SPMIP11: variants seen among roughly 807,000 people sequenced by gnomAD.
SPMIP11 encodes sperm microtubule inner protein 11.
At chr12:48,736,468 A>G in the SPMIP11 span, among the ~76,000 whole-genome samples, 2 of 150,782 alleles carry the variant, frequency 1.3e-5, no homozygotes, top group Admixed American at 1.3e-4. Flanking sequence ...TGTTGGTTCT[A>G]TATGTACTGA....
chr12:48,761,719 C>CTTT, the SPMIP11 span, among the ~76,000 whole-genome samples: 87 of 95,212 alleles, frequency 9.1e-4, 3 homozygotes, highest in African/African-American at 1.4e-3. Context: ...ATATAACATT[C>CTTT]TTTTTTTTTT....
the SPMIP11 span, among the ~76,000 whole-genome samples, chr12:48,742,884 TA>T: frequency 6.6e-6 from 1 of 151,794 alleles, no homozygotes; most frequent in Non-Finnish European, 1.5e-5. Context: ...AAACTCCATT[TA>T]AAAAAATAAA....
the SPMIP11 span, among the ~76,000 whole-genome samples, chr12:48,754,041 A>G: frequency 4.9e-4 from 75 of 152,158 alleles, no homozygotes; most frequent in African/African-American, 1.7e-3. Context: ...TCAACCAAGA[A>G]TGAATTGGCC....
the SPMIP11 span, among the ~76,000 whole-genome samples, chr12:48,738,352 T>C: frequency 1.3e-5 from 2 of 152,082 alleles, no homozygotes; most frequent in African/African-American, 4.8e-5. Context: ...AGACAGGATG[T>C]CAGCAGGGGC....
At chr12:48,750,895 C>T in the SPMIP11 span, among the ~76,000 whole-genome samples, 3 of 152,178 alleles carry the variant, frequency 2.0e-5, no homozygotes, top group Non-Finnish European at 4.4e-5. Flanking sequence ...ACCTTTCTGT[C>T]CATCTGGTTT....
the SPMIP11 span, among the ~76,000 whole-genome samples, chr12:48,757,167 GA>G: frequency 4.6e-5 from 7 of 152,020 alleles, no homozygotes; most frequent in East Asian, 7.7e-4. Flanking sequence ...AGAATGGATG[GA>G]ACAGCCAAGA....
the SPMIP11 span, among the ~76,000 whole-genome samples, chr12:48,729,361 C>A: frequency 1.3e-5 from 2 of 152,078 alleles, 1 homozygote; most frequent in Admixed American, 1.3e-4. Flanking sequence ...TAGTGAAACC[C>A]CGTCTCTACT....
At chr12:48,728,473 C>A in the SPMIP11 span, among the ~76,000 whole-genome samples, 1 of 152,078 alleles carries the variant, frequency 6.6e-6, no homozygotes, top group East Asian at 1.9e-4. Context: ...CTTTGGGAGG[C>A]CGAGGCGGGC....
chr12:48,747,286 A>G, the SPMIP11 span, among the ~76,000 whole-genome samples: 1 of 152,060 alleles, frequency 6.6e-6, no homozygotes, highest in Non-Finnish European at 1.5e-5. Flanking sequence ...ACCATGCCCA[A>G]CAAGAGGCCC....
the SPMIP11 span, among the ~76,000 whole-genome samples, chr12:48,733,874 G>A: frequency 6.9e-6 from 1 of 144,842 alleles, no homozygotes; most frequent in African/African-American, 2.5e-5. Flanking sequence ...AGGTTCAAGC[G>A]ATTCTCCTGC....
chr12:48,759,452 G>A, the SPMIP11 span: 1 of 601,268 alleles, frequency 1.7e-6, no homozygotes, highest in South Asian at 1.8e-5. Context: ...ACTTTGGGAG[G>A]CCGAGGCAGG....
At chr12:48,765,558 C>T in the SPMIP11 span, 1 of 702,408 alleles carries the variant, frequency 1.4e-6, no homozygotes, top group Non-Finnish European at 2.6e-6. Flanking sequence ...GGATCTCCTG[C>T]TCTCCAGCCT....
the SPMIP11 span, chr12:48,759,430 T>C: frequency 1.5e-6 from 1 of 653,964 alleles, no homozygotes; most frequent in Non-Finnish European, 2.8e-6. Flanking sequence ...GGCTCATGTC[T>C]GTAATCCTAG....
At chr12:48,756,393 T>C in the SPMIP11 span, among the ~76,000 whole-genome samples, 1 of 152,160 alleles carries the variant, frequency 6.6e-6, no homozygotes, top group Non-Finnish European at 1.5e-5. Context: ...AGTCCTCAAC[T>C]GTACAGGGAG....
chr12:48,762,503 G>A, the SPMIP11 span, among the ~76,000 whole-genome samples: 1 of 151,040 alleles, frequency 6.6e-6, no homozygotes, highest in East Asian at 1.9e-4. Context: ...AAGTAGCTGG[G>A]ATTACAGGCA....
chr12:48,768,817 C>A, the SPMIP11 span: 1 of 1,554,178 alleles, frequency 6.4e-7, no homozygotes, highest in South Asian at 1.2e-5. Context: ...TTCCCCCAGT[C>A]CCTGCCCCAC....
At chr12:48,735,863 G>A in the SPMIP11 span, among the ~76,000 whole-genome samples, 1 of 152,154 alleles carries the variant, frequency 6.6e-6, no homozygotes, top group East Asian at 1.9e-4. Flanking sequence ...CAGCCTGGTT[G>A]TCAAAGGGAG....
At chr12:48,765,403 G>A in the SPMIP11 span, among the ~76,000 whole-genome samples, 1 of 152,100 alleles carries the variant, frequency 6.6e-6, no homozygotes, top group African/African-American at 2.4e-5. Context: ...GCTAATTTTT[G>A]TATTTTTAGT....
chr12:48,751,005 T>A, the SPMIP11 span, among the ~76,000 whole-genome samples: 28 of 152,178 alleles, frequency 1.8e-4, no homozygotes, highest in Non-Finnish European at 4.0e-4. Flanking sequence ...CTATTAATAG[T>A]CACACTTTTC....
Sources: allele counts gnomAD v4.1 joint callset (sites outside exome capture counted in the v4.1 genomes callset), GRCh38; gene constraint gnomAD v4.1.1; transcripts MANE v1.5; gene names NCBI Gene and HGNC (gene_info 2026-07-23, HGNC 2026-07-21).